NAV3: variants seen among roughly 807,000 people sequenced by gnomAD.
NAV3 encodes the protein neuron navigator 3.
NAV3 carries 87 observed loss-of-function variants against 244.7 expected under a neutral mutation model. The ratio of observed to expected loss-of-function variants is 0.36; its 90% CI spans 0.30 to 0.42. NAV3 has a LOEUF of 0.42. Ranked by LOEUF, NAV3 falls within the 20% of genes least tolerant of loss-of-function variation. The pLI is 1.00. For missense variants in NAV3, 2,663 were observed against 2,893.3 expected (o/e 0.92, Z 1.83); for synonymous variants, 1,126 against 1,042.2 (o/e 1.08, Z -1.55).
intron 3 of NAV3, among the ~76,000 whole-genome samples, chr12:77,953,573 TAAAC>T: frequency 6.6e-6 from 1 of 152,198 alleles, no homozygotes; most frequent in Non-Finnish European, 1.5e-5. Flanking sequence ...ACTAAACAAA[TAAAC>T]AAAAACCGAA....
intron 12 of NAV3, among the ~76,000 whole-genome samples, chr12:78,097,329 A>G (rs1954304900): frequency 6.6e-6 from 1 of 152,224 alleles, no homozygotes; most frequent in South Asian, 2.1e-4. Context: ...AGGAGACAGC[A>G]GTTGGCTGTT....
At chr12:77,710,694 A>G (rs982697488) in intron 2 of NAV3, among the ~76,000 whole-genome samples, 5 of 152,194 alleles carry the variant, frequency 3.3e-5, no homozygotes, top group African/African-American at 1.2e-4. Context: ...AGACATGCAC[A>G]CAGAAATGGA....
Position 78,177,115 on chromosome 12 carries a change from A to G in NAV3, c.5125-26A>G, listed in dbSNP as rs754037832. 7 of 1,612,224 alleles carry G rather than the reference A, an allele frequency of 4.3e-6. No homozygotes were observed. In the African/African-American group the frequency reaches 8.0e-5, roughly 18 times the overall value. On this transcript the variant is annotated intron_variant, in intron 26 of 39. Transcript: ENST00000397909. ...AGCTCTCCAAGTGCAAATAGACAAGAAGGGTAATTTCTGTCCTTGTTTCAG... is the reference window on the plus strand; with the variant it reads ...AGCTCTCCAAGTGCAAATAGACAAGGAGGGTAATTTCTGTCCTTGTTTCAG...
chr12:78,146,336 A>G lies in NAV3; in HGVS notation c.4684-33A>G, dbSNP rs1010048534. ...GTGGAATTAATTGAAAATAGTTTTT[A>G]TAGTTAAAGTCTTTCTTTTTATTGT... On this transcript the variant is annotated intron_variant, in intron 20 of 39. Transcript: ENST00000397909. 9 of 986,222 alleles carry G rather than the reference A, an allele frequency of 9.1e-6. No individual in the cohort carries two copies. The Admixed American group carries it at 2.2e-4, about 24-fold the overall frequency. The allele number at this position is 986,222 out of a possible 1,614,324, so 61.1% of individuals were successfully genotyped here.
Position 77,599,639 on chromosome 12 carries a change from T to C in NAV3, c.72+27373T>C, listed in dbSNP as rs114342735. On this transcript the variant is annotated intron_variant, in intron 2 of 8. Transcript: ENST00000550042. The stretch of plus-strand genomic sequence containing the variant: ...GAGATATATATATGTGTGATATATA[T>C]GTGTTCAAGTATTTTCAAACCCTTT... 6.7e-3 allele frequency among the ~76,000 whole-genome samples: 1,021 copies of C among 151,988 alleles called. 13 individuals are homozygous for C. Among genetic ancestry groups the C allele is most frequent in the African/African-American group, 0.023 (974 of 41,518 alleles).
At chr12:77,766,741 T>TG (rs1869785052) in intron 2 of NAV3, among the ~76,000 whole-genome samples, 2 of 23,696 alleles carry the variant, frequency 8.4e-5, no homozygotes, top group Non-Finnish European at 8.3e-5. Flanking sequence ...TTAAGTTTTT[T>TG]TTTTTTTTTT....
At chr12:77,799,677 A>G (rs182940570) in intron 2 of NAV3, among the ~76,000 whole-genome samples, 1 of 152,114 alleles carries the variant, frequency 6.6e-6, no homozygotes, top group African/African-American at 2.4e-5. Flanking sequence ...GGAAAATGAA[A>G]TACCAAGAGG....
chr12:77,799,983 T>C (rs1304608704), intron 2 of NAV3, among the ~76,000 whole-genome samples: 1 of 152,238 alleles, frequency 6.6e-6, no homozygotes, highest in African/African-American at 2.4e-5. Context: ...CAAAAACTTA[T>C]ACAATTAGAT....
At chr12:78,041,538 G>A (rs1467510518) in intron 9 of NAV3, among the ~76,000 whole-genome samples, 1 of 152,156 alleles carries the variant, frequency 6.6e-6, no homozygotes, top group African/African-American at 2.4e-5. Context: ...AAAGTTTAAG[G>A]GAGACAAATT....
chr12:78,057,258 T>TA (rs1883647358), intron 11 of NAV3, among the ~76,000 whole-genome samples: 1 of 152,210 alleles, frequency 6.6e-6, no homozygotes, highest in African/African-American at 2.4e-5. Flanking sequence ...GAATATAACC[T>TA]AAAATTCTAC....
In NAV3 at chr12:77,967,455, G is replaced by A. The variant is rs944210538; in HGVS notation, c.488-1064G>A. On this transcript the variant is annotated intron_variant, in intron 4 of 39. Coordinates refer to ENST00000397909, the MANE Select transcript of NAV3 (RefSeq NM_001024383.2). ...GGGGAAAAATAGAACAACTCAGAGG[G>A]TCATTTTATATTAATTATTTTACTG... Among the ~76,000 whole-genome samples, 70 of 151,962 alleles carry A rather than the reference G, an allele frequency of 4.6e-4. 1 individual carries two copies. Among genetic ancestry groups the A allele is most frequent in the Non-Finnish European group, 2.2e-4 (15 of 67,926 alleles).
intron 2 of NAV3, among the ~76,000 whole-genome samples, chr12:77,730,969 A>C (rs756015512): frequency 2.0e-5 from 3 of 151,934 alleles, no homozygotes; most frequent in Non-Finnish European, 4.4e-5. Flanking sequence ...GCCAACCTAG[A>C]ATTTGTATTC....
At chr12:77,864,309 T>C (rs531223478) in intron 1 of NAV3, among the ~76,000 whole-genome samples, 1 of 152,076 alleles carries the variant, frequency 6.6e-6, no homozygotes, top group African/African-American at 2.4e-5. Flanking sequence ...CATTTAACTA[T>C]GATAGTAAAA....
At chr12:78,031,809 G>A (rs868642543) in intron 9 of NAV3, among the ~76,000 whole-genome samples, 96 of 151,030 alleles carry the variant, frequency 6.4e-4, no homozygotes, top group African/African-American at 1.9e-3. Context: ...TGGGTGCAGC[G>A]CACCAGCATG....
At chr12:77,994,282 A>G (rs1871958955) in intron 5 of NAV3, among the ~76,000 whole-genome samples, 1 of 152,254 alleles carries the variant, frequency 6.6e-6, no homozygotes, top group Non-Finnish European at 1.5e-5. Flanking sequence ...GAGATCAGCA[A>G]TAACTTATTA....
At chr12:77,779,249 A>C (rs936182756) in intron 2 of NAV3, among the ~76,000 whole-genome samples, 5 of 152,218 alleles carry the variant, frequency 3.3e-5, no homozygotes, top group Non-Finnish European at 7.3e-5. Context: ...ATAAATCAAA[A>C]TTTTGGCTTC....
intron 1 of NAV3, among the ~76,000 whole-genome samples, chr12:77,834,502 T>A (rs1393756288): frequency 1.3e-5 from 2 of 152,242 alleles, no homozygotes; most frequent in African/African-American, 4.8e-5. Context: ...CATTCTAATC[T>A]TCTGTGTATC....
chr12:77,791,755 G>A lies in NAV3; in HGVS notation c.73-148564G>A, dbSNP rs146205601. Reference sequence around the variant, plus strand: ...CAATCATGGATAAAAATATAGTTACGCCTATGATGGCTGCATCTGTACTGA... The same window carrying A: ...CAATCATGGATAAAAATATAGTTACACCTATGATGGCTGCATCTGTACTGA... On this transcript the variant is annotated intron_variant, in intron 2 of 8. Coordinates refer to the NAV3 transcript ENST00000550042. 3.8e-3 allele frequency among the ~76,000 whole-genome samples: 580 copies of A among 152,246 alleles called. 3 individuals carry two copies. The highest frequency in any genetic ancestry group is 6.7e-3 in the Non-Finnish European group (453 of 68,024).
Position 78,140,857 on chromosome 12 carries a change from A to AT in NAV3, c.4683+530dup, listed in dbSNP as rs916638637. Among the ~76,000 whole-genome samples, 9 of 151,260 alleles carry AT rather than the reference A, an allele frequency of 6.0e-5. No homozygotes were observed. In the South Asian group the frequency reaches 1.0e-3, roughly 18 times the overall value. The stretch of plus-strand genomic sequence containing the variant: ...TAAATATACCTTTTGAAAGAGTGTG[A>AT]TTTTTTTAACTTTTATTTTTATTTT... On this transcript the variant is annotated intron_variant, in intron 20 of 39. Coordinates refer to ENST00000397909, the MANE Select transcript of NAV3 (RefSeq NM_001024383.2).
Sources: allele counts gnomAD v4.1 joint callset (sites outside exome capture counted in the v4.1 genomes callset), GRCh38; gene constraint gnomAD v4.1.1; transcripts MANE v1.5; gene names NCBI Gene and HGNC (gene_info 2026-07-23, HGNC 2026-07-21).